The following XKR9 variants were observed in gnomAD, a reference collection of about 807,000 sequenced individuals.
The protein encoded by XKR9 is XK related 9, also known as XK-related protein 9.
Under a neutral mutation model 32.0 loss-of-function variants are expected in XKR9, and 32 were observed. The ratio of observed to expected loss-of-function variants is 1.00; its 90% CI spans 0.76 to 1.34. The LOEUF is 1.34. XKR9 is among the 40% of genes most tolerant of loss of function. The pLI is 0.00. For synonymous variants in XKR9, 168 were observed against 143.4 expected (o/e 1.17, Z -1.22); for missense variants, 546 against 429.7 (o/e 1.27, Z -2.39).
At chr8:70,971,290 T>G in the XKR9 span, among the ~76,000 whole-genome samples, 4 of 152,196 alleles carry the variant, frequency 2.6e-5, no homozygotes, top group African/African-American at 7.2e-5. Flanking sequence ...ATTCATATCC[T>G]TAGCCCACTT....
At chr8:70,837,868 A>C in the XKR9 span, among the ~76,000 whole-genome samples, 1 of 152,132 alleles carries the variant, frequency 6.6e-6, no homozygotes, top group Non-Finnish European at 1.5e-5. Flanking sequence ...AAGATGGTGA[A>C]AACAATTATC....
intron 2 of XKR9, among the ~76,000 whole-genome samples, chr8:70,773,885 A>G (rs1366963120): frequency 6.6e-6 from 1 of 152,202 alleles, no homozygotes; most frequent in Non-Finnish European, 1.5e-5. Context: ...GGCTGTTAGA[A>G]TAGGGTCATC....
the XKR9 span, among the ~76,000 whole-genome samples, chr8:70,959,388 T>A: frequency 6.6e-6 from 1 of 152,234 alleles, no homozygotes; most frequent in Non-Finnish European, 1.5e-5. Flanking sequence ...ATAGATCTAA[T>A]TAATTCTCTT....
chr8:70,742,186 C>T (rs1488821494), intron 2 of XKR9, among the ~76,000 whole-genome samples: 1 of 152,100 alleles, frequency 6.6e-6, no homozygotes, highest in Non-Finnish European at 1.5e-5. Context: ...ACAAAAAAGC[C>T]TAAATAACCA....
chr8:70,925,465 ACT>A, the XKR9 span, among the ~76,000 whole-genome samples: 6 of 152,302 alleles, frequency 3.9e-5, no homozygotes, highest in East Asian at 1.9e-4. Context: ...TCAAACAATA[ACT>A]CTATAAATTA....
At chr8:70,722,187 A>C (rs568878671) in intron 4 of XKR9, among the ~76,000 whole-genome samples, 1 of 150,800 alleles carries the variant, frequency 6.6e-6, no homozygotes, top group African/African-American at 2.4e-5. Flanking sequence ...TTTTGAGCCT[A>C]TGTGTGCACA....
the XKR9 span, among the ~76,000 whole-genome samples, chr8:70,989,285 A>G: frequency 6.6e-6 from 1 of 152,380 alleles, no homozygotes; most frequent in African/African-American, 2.4e-5. Flanking sequence ...TTATGCATAA[A>G]CATTATCCAA....
chr8:70,910,898 A>G, the XKR9 span, among the ~76,000 whole-genome samples: 47 of 152,360 alleles, frequency 3.1e-4, no homozygotes, highest in Non-Finnish European at 6.5e-4. Flanking sequence ...GGCTGTTCTC[A>G]GCTTCTAGAA....
chr8:70,822,878 A>G, the XKR9 span, among the ~76,000 whole-genome samples: 2 of 152,186 alleles, frequency 1.3e-5, no homozygotes, highest in Non-Finnish European at 2.9e-5. Flanking sequence ...ATAAACAGAG[A>G]CTGAAGTTTT....
At chr8:70,806,750 A>C in the XKR9 span, among the ~76,000 whole-genome samples, 15 of 152,344 alleles carry the variant, frequency 9.8e-5, no homozygotes, top group African/African-American at 3.4e-4. Context: ...AAAGACTCCA[A>C]GAAATGAGGG....
At chr8:70,772,670 G>A (rs544981814) in intron 2 of XKR9, among the ~76,000 whole-genome samples, 5 of 152,162 alleles carry the variant, frequency 3.3e-5, no homozygotes, top group African/African-American at 7.2e-5. Flanking sequence ...TACCATCGTC[G>A]TGAAATACCA....
chr8:70,904,646 A>C, the XKR9 span, among the ~76,000 whole-genome samples: 21 of 152,220 alleles, frequency 1.4e-4, no homozygotes, highest in East Asian at 2.9e-3. Flanking sequence ...GTTATGTGTG[A>C]ATTTGATCCT....
chr8:70,723,887 C>CT (rs4008977), intron 4 of XKR9, among the ~76,000 whole-genome samples: 18,135 of 139,672 alleles, frequency 0.13, 1,540 homozygotes, highest in African/African-American at 0.23. Context: ...TAGGTGGGAA[C>CT]TTTTTTTTTT....
the XKR9 span, among the ~76,000 whole-genome samples, chr8:70,936,759 A>T: frequency 1.3e-5 from 2 of 152,024 alleles, no homozygotes; most frequent in African/African-American, 4.8e-5. Context: ...CATTCTTAGA[A>T]GTGCCTGAAC....
intron 2 of XKR9, among the ~76,000 whole-genome samples, chr8:70,763,231 A>G (rs1254389663): frequency 6.6e-6 from 1 of 152,170 alleles, no homozygotes; most frequent in Non-Finnish European, 1.5e-5. Flanking sequence ...ATCTGTGGGT[A>G]GAATGTGATT....
chr8:70,810,023 T>C, the XKR9 span, among the ~76,000 whole-genome samples: 2 of 152,094 alleles, frequency 1.3e-5, no homozygotes, highest in Admixed American at 6.5e-5. Context: ...GGAAAAAATG[T>C]TAAGGGCAGC....
At chr8:70,957,217 G>A in the XKR9 span, among the ~76,000 whole-genome samples, 1 of 151,940 alleles carries the variant, frequency 6.6e-6, no homozygotes, top group Non-Finnish European at 1.5e-5. Context: ...ATTTTATTCT[G>A]TCTTTGAAAC....
the XKR9 span, among the ~76,000 whole-genome samples, chr8:70,864,819 G>A: frequency 5.9e-5 from 9 of 152,210 alleles, no homozygotes; most frequent in South Asian, 6.2e-4. Context: ...TCTAGATACC[G>A]CATTACCCAG....
the XKR9 span, among the ~76,000 whole-genome samples, chr8:70,816,636 T>C: frequency 5.3e-4 from 81 of 152,054 alleles, no homozygotes; most frequent in Admixed American, 1.2e-3. Flanking sequence ...GAGAAAAAGG[T>C]CAAATCATAT....
Sources: allele counts gnomAD v4.1 joint callset (sites outside exome capture counted in the v4.1 genomes callset), GRCh38; gene constraint gnomAD v4.1.1; transcripts MANE v1.5; gene names NCBI Gene and HGNC (gene_info 2026-07-23, HGNC 2026-07-21).